SBF2: variants seen among roughly 807,000 people sequenced by gnomAD.
SBF2 encodes SET binding factor 2, also known as myotubularin-related protein 13.
SBF2 carries 112 observed loss-of-function variants against 225.2 expected under a neutral mutation model. The ratio of observed to expected loss-of-function variants is 0.50; its 90% CI spans 0.43 to 0.58. The LOEUF is 0.58. Among genes scored for constraint, SBF2 ranks in the 20% least tolerant of loss-of-function variants. The probability of loss-of-function intolerance (pLI) is 0.00; values close to 1 mark genes in which losing one functional copy is unlikely to be tolerated. For missense variants in SBF2, 1,996 were observed against 2,206.2 expected, an observed-to-expected ratio of 0.90 and a Z score of 1.91; for synonymous variants, 763 against 773.3, an observed-to-expected ratio of 0.99 and a Z score of 0.22.
intron 32 of SBF2, among the ~76,000 whole-genome samples, chr11:9,798,863 A>G (rs1853301740): frequency 1.3e-5 from 2 of 151,482 alleles, no homozygotes; most frequent in South Asian, 2.1e-4. Flanking sequence ...GAGGCAAGAG[A>G]ATGGCATGAA....
chr11:9,980,591 T>C (rs1250175180), intron 13 of SBF2, among the ~76,000 whole-genome samples: 1 of 147,302 alleles, frequency 6.8e-6, no homozygotes, highest in Non-Finnish European at 1.5e-5. Context: ...ACTTAAGAAT[T>C]TTTTTTTTTT....
rs1172968511 is a variant in SBF2 at position 10,294,119 on chromosome 11, G to A, written c.-50C>T. 1.6e-6 allele frequency: 2 copies of A among 1,286,710 alleles called. No individual in the cohort carries two copies. The highest frequency in any genetic ancestry group is 2.3e-5 in the South Asian group (1 of 42,920). 79.7% of individuals were successfully genotyped at this position (1,286,710 alleles called of 1,614,324 possible). A position where few individuals can be genotyped will look rare whatever the true frequency, so the allele number is the denominator to read the frequency against. Reference sequence around the variant, plus strand: ...GCGGGTCCCCGTCGCCGCCCTCGCCGCCGCCGCCCACCCGGCCCGGGAGGG... The same window carrying A: ...GCGGGTCCCCGTCGCCGCCCTCGCCACCGCCGCCCACCCGGCCCGGGAGGG... On this transcript the variant is annotated 5_prime_UTR_variant, in exon 1 of 40. Coordinates refer to ENST00000256190, the MANE Select transcript of SBF2 (RefSeq NM_030962.4).
At chr11:10,200,017 C>G (rs1229525804) in intron 1 of SBF2, among the ~76,000 whole-genome samples, 36 of 152,156 alleles carry the variant, frequency 2.4e-4, no homozygotes, top group Admixed American at 2.4e-3. Flanking sequence ...CTATTGTAAT[C>G]CCAGCAATTT....
intron 16 of SBF2, among the ~76,000 whole-genome samples, chr11:9,912,212 G>T (rs1468013324): frequency 6.7e-6 from 1 of 149,854 alleles, no homozygotes; most frequent in Admixed American, 6.7e-5. Context: ...CTACTCGGGA[G>T]GCTGAGGCAG....
intron 16 of SBF2, among the ~76,000 whole-genome samples, chr11:9,951,254 G>A (rs192687559): frequency 6.6e-6 from 1 of 152,144 alleles, no homozygotes; most frequent in African/African-American, 2.4e-5. Flanking sequence ...ATATAGGCAG[G>A]GGCCAAGATA....
intron 2 of SBF2, among the ~76,000 whole-genome samples, chr11:10,166,418 C>G (rs957522006): frequency 6.6e-6 from 1 of 151,864 alleles, no homozygotes; most frequent in African/African-American, 2.4e-5. Flanking sequence ...ACCAGTCAGC[C>G]TTTTTATACA....
chr11:9,843,093 C>T (rs1054124879), intron 24 of SBF2, among the ~76,000 whole-genome samples: 1 of 152,160 alleles, frequency 6.6e-6, no homozygotes, highest in Admixed American at 6.5e-5. Context: ...TCTGGTTATC[C>T]TCATGCCACT....
At chr11:9,962,176 C>T (rs1048416149) in intron 15 of SBF2, 70 bp from the exon 16 acceptor site, 61 of 1,440,666 alleles carry the variant, frequency 4.2e-5, no homozygotes, top group Non-Finnish European at 5.5e-5. Context: ...AAACAATCAT[C>T]CTGAAAATTC....
At chr11:10,048,378 G>C (rs936594481) in intron 2 of SBF2, among the ~76,000 whole-genome samples, 8 of 152,164 alleles carry the variant, frequency 5.3e-5, no homozygotes, top group African/African-American at 1.9e-4. Flanking sequence ...TCTTTACTGT[G>C]AGTAAAACTG....
At chr11:10,276,883 T>C (rs1962994588) in intron 1 of SBF2, among the ~76,000 whole-genome samples, 1 of 152,022 alleles carries the variant, frequency 6.6e-6, no homozygotes, top group South Asian at 2.1e-4. Context: ...CAGGTGGCAC[T>C]AGTAATTTAA....
intron 26 of SBF2, among the ~76,000 whole-genome samples, chr11:9,837,037 T>C (rs537152019): frequency 3.9e-5 from 6 of 152,324 alleles, no homozygotes; most frequent in African/African-American, 1.4e-4. Flanking sequence ...CTGTGAGTAA[T>C]GGCAGTTTTA....
intron 17 of SBF2, among the ~76,000 whole-genome samples, chr11:9,869,034 TC>T (rs1199675721): frequency 1.3e-5 from 2 of 152,234 alleles, no homozygotes; most frequent in African/African-American, 4.8e-5. Flanking sequence ...AGTACTTCGA[TC>T]AAGAGAAACT....
intron 17 of SBF2, among the ~76,000 whole-genome samples, chr11:9,868,363 A>AAAAAAAAT (rs1858418228): frequency 6.8e-6 from 1 of 147,066 alleles, no homozygotes; most frequent in African/African-American, 2.5e-5. Flanking sequence ...AAAAAAAAAA[A>AAAAAAAAT]AAAAATTAGG....
chr11:10,048,729 T>C (rs1342693194), intron 2 of SBF2, among the ~76,000 whole-genome samples: 1 of 152,192 alleles, frequency 6.6e-6, no homozygotes, highest in Non-Finnish European at 1.5e-5. Context: ...ATCATACTAT[T>C]AGTTAATTTA....
intron 32 of SBF2, among the ~76,000 whole-genome samples, chr11:9,803,371 A>G (rs11823024): frequency 0.01 from 1,590 of 152,328 alleles, 29 homozygotes; most frequent in African/African-American, 0.035. Flanking sequence ...AATGTAAGTT[A>G]TGCTACATCT....
chr11:10,129,771 A>G (rs963105801), intron 2 of SBF2, among the ~76,000 whole-genome samples: 4 of 152,156 alleles, frequency 2.6e-5, no homozygotes, highest in Non-Finnish European at 2.9e-5. Context: ...TGGGAGGCCA[A>G]AACAGGAGGG....
intron 1 of SBF2, among the ~76,000 whole-genome samples, chr11:10,238,951 G>A (rs963588866): frequency 6.6e-6 from 1 of 150,534 alleles, no homozygotes; most frequent in Non-Finnish European, 1.5e-5. Context: ...AATAATAGTG[G>A]ACGATGTTAA....
intron 2 of SBF2, among the ~76,000 whole-genome samples, chr11:10,148,012 G>A (rs1407226432): frequency 6.6e-6 from 1 of 152,142 alleles, no homozygotes; most frequent in East Asian, 1.9e-4. Context: ...TGTGCTAAAT[G>A]CTTAGCATGG....
rs376685939 is a variant in SBF2 at position 9,992,402 on chromosome 11, A to G, written c.1296+13T>C. ...TGTCTATAAATAATGCCTTCATTTA[A>G]TAAGAGCTATACCTCATCAAAGAGA... is the stretch of plus-strand genomic sequence containing the variant. On this transcript the variant is annotated intron_variant, in intron 12 of 39. Coordinates refer to ENST00000256190, the MANE Select transcript of SBF2 (RefSeq NM_030962.4). 206 of 1,607,056 alleles carry G rather than the reference A, an allele frequency of 1.3e-4. No individual in the cohort carries two copies. The highest frequency in any genetic ancestry group is 1.7e-4 in the Non-Finnish European group (198 of 1,176,146).
Sources: gnomAD v4.1 joint callset for allele counts (sites outside exome capture counted in the v4.1 genomes callset) on GRCh38, gnomAD v4.1.1 for gene constraint, MANE v1.5 for transcripts, NCBI Gene and HGNC (gene_info 2026-07-23, HGNC 2026-07-21) for gene names.